SORCS3: variants seen among roughly 807,000 people sequenced by gnomAD.
The protein encoded by SORCS3 is sortilin related VPS10 domain containing receptor 3.
Under a neutral mutation model 146.3 loss-of-function variants are expected in SORCS3, and 57 were observed. The observed-to-expected ratio is 0.39, with a 90% CI of 0.31 to 0.49. The LOEUF is 0.49. Ranked by LOEUF, SORCS3 falls within the 20% of genes least tolerant of loss-of-function variation. SORCS3 has a pLI of 0.92. For synonymous variants in SORCS3, 653 were observed against 618.5 expected (o/e 1.06, Z -0.83); for missense variants, 1,341 against 1,575.5 (o/e 0.85, Z 2.52).
intron 1 of SORCS3, among the ~76,000 whole-genome samples, chr10:104,673,401 A>G (rs1047647596): frequency 6.6e-6 from 1 of 151,190 alleles, no homozygotes; most frequent in Non-Finnish European, 1.5e-5. Flanking sequence ...AAAAAAATGT[A>G]AGTTTATTTC....
At chr10:105,185,657 C>T (rs1246886168) in intron 14 of SORCS3, among the ~76,000 whole-genome samples, 1 of 152,040 alleles carries the variant, frequency 6.6e-6, no homozygotes, top group East Asian at 1.9e-4. Context: ...AGCTTGTGTA[C>T]CCACCACCTG....
At chr10:105,114,503 C>T (rs1341015599) in intron 7 of SORCS3, among the ~76,000 whole-genome samples, 1 of 152,118 alleles carries the variant, frequency 6.6e-6, no homozygotes, top group Admixed American at 6.5e-5. Flanking sequence ...GGTGCTGCAA[C>T]TTGAACATTC....
chr10:105,214,864 A>G (rs2056656100), intron 18 of SORCS3, among the ~76,000 whole-genome samples: 1 of 152,186 alleles, frequency 6.6e-6, no homozygotes, highest in South Asian at 2.1e-4. Flanking sequence ...AGATCTGGAT[A>G]TATTCTTCAG....
chr10:104,666,645 G>T (rs2015781518), intron 1 of SORCS3, among the ~76,000 whole-genome samples: 1 of 152,134 alleles, frequency 6.6e-6, no homozygotes, highest in Non-Finnish European at 1.5e-5. Flanking sequence ...TTGCTCTGTT[G>T]CCCAGACTGG....
chr10:105,053,102 A>G (rs1012666528), intron 5 of SORCS3, among the ~76,000 whole-genome samples: 2 of 151,948 alleles, frequency 1.3e-5, no homozygotes, highest in Non-Finnish European at 2.9e-5. Context: ...AGAGAGAGAG[A>G]GGGCAAGCTC....
intron 2 of SORCS3, among the ~76,000 whole-genome samples, chr10:104,857,908 C>T (rs764136377): frequency 1.3e-5 from 2 of 152,164 alleles, no homozygotes; most frequent in Non-Finnish European, 2.9e-5. Context: ...AGGATCTGGG[C>T]GGTCGGTAGG....
At chr10:105,153,413 T>C (rs2119483942) in intron 9 of SORCS3, among the ~76,000 whole-genome samples, 1 of 152,324 alleles carries the variant, frequency 6.6e-6, no homozygotes, top group South Asian at 2.1e-4. Flanking sequence ...AAAATATCTA[T>C]AAACATTCTC....
In SORCS3 at chr10:105,177,343, C is replaced by G. The variant is rs2056412820; in HGVS notation, c.1902-723C>G. On this transcript the variant is annotated intron_variant, in intron 13 of 26. Transcript: ENST00000369701. The stretch of plus-strand genomic sequence containing the variant: ...AGAAAAGCTTCTCAGAGGAGATGGT[C>G]CTTGGGCTATGCCCCCTGGTTAAAT... Among the ~76,000 whole-genome samples the G allele has an allele frequency of 2.0e-5, 3 of 152,094 alleles. No homozygotes were observed. The South Asian group carries it at 6.2e-4, about 32-fold the overall frequency.
intron 1 of SORCS3, among the ~76,000 whole-genome samples, chr10:104,764,311 G>T (rs915507451): frequency 6.6e-6 from 1 of 152,176 alleles, no homozygotes; most frequent in Admixed American, 6.5e-5. Context: ...GAAGCGGTCT[G>T]AGGTGGGGCT....
intron 1 of SORCS3, among the ~76,000 whole-genome samples, chr10:104,841,135 G>A (rs1363442983): frequency 6.6e-6 from 1 of 152,164 alleles, no homozygotes; most frequent in African/African-American, 2.4e-5. Flanking sequence ...CACTTGGTGA[G>A]GCTATGGATA....
intron 1 of SORCS3, among the ~76,000 whole-genome samples, chr10:104,652,289 C>T (rs1296947374): frequency 6.6e-6 from 1 of 152,068 alleles, no homozygotes; most frequent in Admixed American, 6.6e-5. Context: ...TTCTGGGATT[C>T]AGTTTCGTCA....
chr10:104,926,340 C>A (rs1022864901), intron 3 of SORCS3, among the ~76,000 whole-genome samples: 1 of 152,102 alleles, frequency 6.6e-6, no homozygotes, highest in Non-Finnish European at 1.5e-5. Flanking sequence ...TCATTTTTTC[C>A]TGCTTCATAA....
chr10:105,088,079 G>A (rs1216856861), intron 5 of SORCS3, among the ~76,000 whole-genome samples: 1 of 152,214 alleles, frequency 6.6e-6, no homozygotes, highest in East Asian at 1.9e-4. Context: ...AGCTTGGAAA[G>A]AGGAATGAGA....
intron 2 of SORCS3, among the ~76,000 whole-genome samples, chr10:104,888,716 G>T (rs770341127): frequency 6.6e-6 from 1 of 152,178 alleles, no homozygotes; most frequent in African/African-American, 2.4e-5. Context: ...AAATCAGTCA[G>T]AGTAGAGAAA....
At chr10:104,876,489 A>G (rs956403349) in intron 2 of SORCS3, among the ~76,000 whole-genome samples, 1 of 152,344 alleles carries the variant, frequency 6.6e-6, no homozygotes, top group African/African-American at 2.4e-5. Context: ...TCAAAGACCC[A>G]GAAAAGCTTT....
chr10:104,704,929 C>T (rs1295066456), intron 1 of SORCS3, among the ~76,000 whole-genome samples: 1 of 152,124 alleles, frequency 6.6e-6, no homozygotes, highest in Non-Finnish European at 1.5e-5. Context: ...ACACAGGTGC[C>T]CTTTCCTTCC....
At position 104,884,843 on chromosome 10, in the gene SORCS3, CTT is replaced by C. The variant is rs538298077; in HGVS notation, c.696-30980_696-30979del. ...AATCTGATCTCATGTATTTTTCTAG[CTT>C]TTTTTTTTTCCTCCTATGTCCCTCC... On this transcript the variant is annotated intron_variant, in intron 2 of 26. Coordinates refer to ENST00000369701, the MANE Select transcript of SORCS3 (RefSeq NM_014978.3). Among the ~76,000 whole-genome samples, 478 of 147,568 alleles carry C rather than the reference CTT, an allele frequency of 3.2e-3. 3 individuals carry two copies. Among genetic ancestry groups the C allele is most frequent in the African/African-American group, 0.01 (408 of 40,518 alleles).
In SORCS3 at chr10:104,700,283, G is replaced by T. The variant is rs550437584; in HGVS notation, c.627+58329G>T. On this transcript the variant is annotated intron_variant, in intron 1 of 26. Transcript: ENST00000369701. ...AAAACTTAACTAAAAATCCAGCATG[G>T]AAGTAGCTTCAGTCATGGCTGGAGC... 9.8e-5 allele frequency among the ~76,000 whole-genome samples: 15 copies of T among 152,330 alleles called. No individual in the cohort carries two copies. The South Asian group carries it at 3.1e-3, about 32-fold the overall frequency.
chr10:104,766,060 T>G (rs2017176245), intron 1 of SORCS3, among the ~76,000 whole-genome samples: 1 of 152,222 alleles, frequency 6.6e-6, no homozygotes, highest in Admixed American at 6.5e-5. Context: ...TGGACTTTCT[T>G]GAAACAATAC....
Sources: allele counts gnomAD v4.1 joint callset (sites outside exome capture counted in the v4.1 genomes callset), GRCh38; gene constraint gnomAD v4.1.1; transcripts MANE v1.5; gene names NCBI Gene and HGNC (gene_info 2026-07-23, HGNC 2026-07-21).